Variants in MECR observed in about 807,000 individuals in gnomAD.
The protein encoded by MECR is mitochondrial trans-2-enoyl-CoA reductase, also known as enoyl-[acyl-carrier-protein] reductase, mitochondrial.
MECR carries 37 observed loss-of-function variants against 49.1 expected under a neutral mutation model. The ratio of observed to expected loss-of-function variants is 0.75; its 90% CI spans 0.58 to 0.99. MECR has a LOEUF of 0.99. Ranked by LOEUF, MECR falls within the 50% of genes least tolerant of loss-of-function variation. MECR has a pLI of 0.00. For synonymous variants in MECR, 198 were observed against 191.1 expected (o/e 1.04, Z -0.30); for missense variants, 470 against 479.6 (o/e 0.98, Z 0.19).
intron 5 of MECR, among the ~76,000 whole-genome samples, chr1:29,202,270 A>G (rs1574306487): frequency 1.3e-5 from 2 of 152,200 alleles, no homozygotes; most frequent in African/African-American, 4.8e-5. Flanking sequence ...TGGTTTTCAC[A>G]GGCCCTGACA....
At chr1:29,181,523 C>T in the MECR span, 1 of 820,130 alleles carries the variant, frequency 1.2e-6, no homozygotes, top group Non-Finnish European at 1.8e-6. Flanking sequence ...GCCACTATGG[C>T]GGAGCCTGGC....
At chr1:29,208,715 C>T (rs1458436096) in intron 3 of MECR, among the ~76,000 whole-genome samples, 8 of 152,178 alleles carry the variant, frequency 5.3e-5, no homozygotes, top group Non-Finnish European at 7.3e-5. Flanking sequence ...GGCTGCCTTC[C>T]TTCCATCTAC....
the MECR span, chr1:29,171,571 A>G: frequency 6.6e-6 from 1 of 151,890 alleles, no homozygotes; most frequent in Admixed American, 6.6e-5. Context: ...CAGTTGAAAA[A>G]TAAGTCATAC....
At chr1:29,207,360 T>C (rs756704841) in intron 3 of MECR, among the ~76,000 whole-genome samples, 1 of 152,108 alleles carries the variant, frequency 6.6e-6, no homozygotes, top group Non-Finnish European at 1.5e-5. Context: ...TCTCAGGTGA[T>C]TCGCCTGCAT....
At chr1:29,216,175 T>C (rs1169713472) in intron 2 of MECR, 39 bp from the exon 3 acceptor site, 3 of 1,611,390 alleles carry the variant, frequency 1.9e-6, no homozygotes, top group East Asian at 2.2e-5. Context: ...CCAGTGATGT[T>C]TGGGCAGTGA....
downstream of MECR, among the ~76,000 whole-genome samples, chr1:29,190,047 G>A (rs1375930363): frequency 6.6e-6 from 1 of 152,198 alleles, no homozygotes; most frequent in Non-Finnish European, 1.5e-5. Context: ...TGGGGATTCT[G>A]GGTGTCAGGG....
chr1:29,199,978 C>A (rs903815914), intron 7 of MECR, among the ~76,000 whole-genome samples: 2 of 151,308 alleles, frequency 1.3e-5, no homozygotes. Context: ...CCAGGCTGGT[C>A]TCGAACTCCT....
chr1:29,174,679 T>A, the MECR span, among the ~76,000 whole-genome samples: 1 of 148,838 alleles, frequency 6.7e-6, no homozygotes, highest in Non-Finnish European at 1.5e-5. Context: ...AGATAGGTTT[T>A]TTTTTTTTTT....
chr1:29,192,105 A>C (rs1673154948), downstream of MECR, among the ~76,000 whole-genome samples: 1 of 152,032 alleles, frequency 6.6e-6, no homozygotes, highest in Non-Finnish European at 1.5e-5. Context: ...AAAAAAACAA[A>C]CATTCCGAGC....
the MECR span, among the ~76,000 whole-genome samples, chr1:29,175,342 G>T: frequency 6.6e-6 from 1 of 151,402 alleles, no homozygotes; most frequent in Non-Finnish European, 1.5e-5. Flanking sequence ...GTACCTGGGA[G>T]GTGAGCCACG....
the MECR span, among the ~76,000 whole-genome samples, chr1:29,168,079 G>C: frequency 4.0e-5 from 6 of 150,606 alleles, no homozygotes; most frequent in Admixed American, 3.3e-4. Flanking sequence ...GCAGCGGCGC[G>C]ATCTCCACTC....
At chr1:29,222,798 C>T (rs1199438382) in intron 1 of MECR, among the ~76,000 whole-genome samples, 1 of 152,068 alleles carries the variant, frequency 6.6e-6, no homozygotes, top group Non-Finnish European at 1.5e-5. Flanking sequence ...GCTGGCCCCA[C>T]ATTTGCTGCA....
downstream of MECR, among the ~76,000 whole-genome samples, chr1:29,191,313 T>C (rs1457697990): frequency 6.6e-6 from 1 of 152,172 alleles, no homozygotes; most frequent in African/African-American, 2.4e-5. Flanking sequence ...GAATCCTATT[T>C]TTTTTTTTGA....
the MECR span, among the ~76,000 whole-genome samples, chr1:29,182,424 G>A: frequency 4.6e-5 from 7 of 152,158 alleles, no homozygotes; most frequent in African/African-American, 1.7e-4. Flanking sequence ...CCCAATAAAT[G>A]AGACCAGTAT....
chr1:29,190,701 A>C (rs1673103632), downstream of MECR, among the ~76,000 whole-genome samples: 1 of 151,930 alleles, frequency 6.6e-6, no homozygotes, highest in Non-Finnish European at 1.5e-5. Context: ...AGGCAGGAGA[A>C]TCACTTGGAC....
At chr1:29,189,291 G>C (rs150517028), downstream of MECR, among the ~76,000 whole-genome samples, 188 of 142,268 alleles carry the variant, frequency 1.3e-3, no homozygotes, top group African/African-American at 5.3e-3. Context: ...AGGGTGGTCT[G>C]GAACTGACCT....
chr1:29,228,353 CTTTT>C (rs5773235), intron 1 of MECR, among the ~76,000 whole-genome samples: 10 of 134,574 alleles, frequency 7.4e-5, no homozygotes, highest in Admixed American at 7.3e-5. Flanking sequence ...GTGGAAGTAT[CTTTT>C]TTTTTTTTTT....
chr1:29,224,928 G>A (rs1681675949), intron 1 of MECR: 1 of 152,230 alleles, frequency 6.6e-6, no homozygotes, highest in African/African-American at 2.4e-5. Flanking sequence ...GCTAGGAGAG[G>A]GCAAGAGACA....
the MECR span, among the ~76,000 whole-genome samples, chr1:29,175,624 G>A: frequency 2.8e-5 from 4 of 142,466 alleles, no homozygotes; most frequent in African/African-American, 1.0e-4. Flanking sequence ...GAACCCAGGA[G>A]GCGGAGCTTG....
Sources: gnomAD v4.1 joint callset for allele counts (sites outside exome capture counted in the v4.1 genomes callset) on GRCh38, gnomAD v4.1.1 for gene constraint, MANE v1.5 for transcripts, NCBI Gene and HGNC (gene_info 2026-07-23, HGNC 2026-07-21) for gene names.